The following ATP2C2 variants were observed in gnomAD, a reference collection of about 807,000 sequenced individuals.
ATP2C2 encodes ATPase secretory pathway Ca2+ transporting 2.
A neutral mutation model predicts 110.8 loss-of-function variants in ATP2C2; 171 were observed. The observed-to-expected ratio is 1.54, with a 90% CI of 1.36 to 1.75. The LOEUF (loss-of-function observed/expected upper bound fraction) is 1.75, where lower values mean the gene tolerates loss of function less well. Among genes scored for constraint, ATP2C2 ranks in the 40% most tolerant of loss-of-function variants. The probability of loss-of-function intolerance (pLI) is 0.00; values close to 1 mark genes in which losing one functional copy is unlikely to be tolerated. For missense variants in ATP2C2, 1,963 were observed against 1,235.0 expected (o/e 1.59, Z -8.84); for synonymous variants, 804 against 508.4 (o/e 1.58, Z -7.82).
chr16:84,421,601 C>G (rs1907344268), intron 7 of ATP2C2, among the ~76,000 whole-genome samples: 1 of 152,114 alleles, frequency 6.6e-6, no homozygotes, highest in Non-Finnish European at 1.5e-5. Context: ...TGGCACGGTT[C>G]TGGCCCTGGG....
In ATP2C2 at chr16:84,459,253, C is replaced by T. The variant is rs757037846; in HGVS notation, c.2217-17C>T. 1.2e-5 allele frequency: 19 copies of T among 1,614,112 alleles called. No individual in the cohort carries two copies. Among genetic ancestry groups the T allele is most frequent in the East Asian group, 2.2e-5 (1 of 44,884 alleles). On this transcript the variant is annotated splice_polypyrimidine_tract_variant and intron_variant, in intron 22 of 26. Transcript: ENST00000262429. ...CGCCTGGCGGGCGGCCGCTGACTGG[C>T]TGCGTGTGCCCCGCAGGAGCATCTC... is the stretch of plus-strand genomic sequence containing the variant.
chr16:84,413,258 GGC>G (rs1567706297), intron 6 of ATP2C2, among the ~76,000 whole-genome samples: 1 of 152,110 alleles, frequency 6.6e-6, no homozygotes, highest in East Asian at 1.9e-4. Context: ...ATATATCCCA[GGC>G]ACATGTTGTG....
At chr16:84,407,041 C>G (rs1046414300) in intron 3 of ATP2C2, 18 of 152,248 alleles carry the variant, frequency 1.2e-4, no homozygotes, top group African/African-American at 4.3e-4. Flanking sequence ...TGTGGGAATC[C>G]TTGTAGGACT....
At chr16:84,381,184 G>A (rs1597732510) in intron 1 of ATP2C2, among the ~76,000 whole-genome samples, 1 of 152,284 alleles carries the variant, frequency 6.6e-6, no homozygotes, top group East Asian at 1.9e-4. Flanking sequence ...GTGCAGGGGT[G>A]GATCTTTCAG....
intron 2 of ATP2C2, among the ~76,000 whole-genome samples, chr16:84,399,440 C>A (rs185744979): frequency 6.6e-6 from 1 of 152,288 alleles, no homozygotes; most frequent in East Asian, 1.9e-4. Flanking sequence ...TTTCCTCTAC[C>A]AGCAAGTACA....
intron 17 of ATP2C2, among the ~76,000 whole-genome samples, chr16:84,451,649 CCAACATGGT>C (rs2150582190): frequency 6.6e-6 from 1 of 152,212 alleles, no homozygotes; most frequent in East Asian, 1.9e-4. Flanking sequence ...ACCAGCCTGG[CCAACATGGT>C]GAAATCCTGT....
At chr16:84,410,918 C>G in intron 6 of ATP2C2, 153 bp downstream of exon 6, 1 of 719,202 alleles carries the variant, frequency 1.4e-6, no homozygotes, top group Non-Finnish European at 2.4e-6. Flanking sequence ...CTCCGCCTGC[C>G]AATAGGTCGC....
At chr16:84,368,797 C>A (rs775256029) in intron 1 of ATP2C2, 83 bp downstream of exon 1, 7 of 1,206,392 alleles carry the variant, frequency 5.8e-6, no homozygotes, top group Non-Finnish European at 7.9e-6. Flanking sequence ...CGAGACCCCG[C>A]GTTCGCGCTG....
chr16:84,424,708 C>T (rs247804), intron 10 of ATP2C2, among the ~76,000 whole-genome samples: 134,247 of 152,044 alleles, frequency 0.88, 59,347 homozygotes, highest in East Asian at 0.93. Context: ...TGCTGGTCAG[C>T]GCTTCTAGAG....
intron 16 of ATP2C2, 91 bp downstream of exon 16, chr16:84,446,521 A>C: frequency 4.5e-6 from 4 of 891,256 alleles, no homozygotes; most frequent in Non-Finnish European, 5.1e-6. Context: ...GGATAATTTG[A>C]AAGTTCCTGG....
At chr16:84,452,113 G>A (rs369234642) in intron 18 of ATP2C2, 22 bp downstream of exon 18, 9 of 1,613,446 alleles carry the variant, frequency 5.6e-6, no homozygotes, top group African/African-American at 5.3e-5. Context: ...AGGGTCGGGG[G>A]TGAGGACGAA....
chr16:84,428,691 C>G (rs1439661913), intron 11 of ATP2C2, among the ~76,000 whole-genome samples: 3 of 152,104 alleles, frequency 2.0e-5, no homozygotes, highest in Non-Finnish European at 4.4e-5. Context: ...ATAAGTTCAT[C>G]TCTTCCCTTA....
At chr16:84,374,299 T>C (rs979214648) in intron 1 of ATP2C2, among the ~76,000 whole-genome samples, 8 of 152,222 alleles carry the variant, frequency 5.3e-5, no homozygotes, top group African/African-American at 1.9e-4. Flanking sequence ...CTCTGAGCCA[T>C]TGAAGCTTTC....
intron 18 of ATP2C2, 81 bp from the exon 19 acceptor site, chr16:84,453,057 C>G: frequency 7.2e-7 from 1 of 1,393,878 alleles, no homozygotes; most frequent in African/African-American, 1.4e-5. Flanking sequence ...TCTTGGTGTT[C>G]CCCATGGCCG....
At position 84,414,871 on chromosome 16, in the gene ATP2C2, G is replaced by T. The variant is rs528156204; in HGVS notation, c.516-612G>T. Among the ~76,000 whole-genome samples, 9 of 152,242 alleles carry T rather than the reference G, an allele frequency of 5.9e-5. No individual in the cohort carries two copies. In the East Asian group the frequency reaches 1.7e-3, roughly 29 times the overall value. ...ATCGGAGGGTTTGGAGCAGGAGGGG[G>T]TTGGGATCTGGTTTGGGGTTCTAAG... On this transcript the variant is annotated intron_variant, in intron 6 of 26. Coordinates refer to ENST00000262429, the MANE Select transcript of ATP2C2 (RefSeq NM_014861.4).
At chr16:84,409,557 T>G (rs992739902) in intron 4 of ATP2C2, among the ~76,000 whole-genome samples, 1 of 152,196 alleles carries the variant, frequency 6.6e-6, no homozygotes, top group African/African-American at 2.4e-5. Context: ...TCGTCCAGGC[T>G]GGACAGCAGT....
In ATP2C2 at chr16:84,452,040, GT is replaced by G; in HGVS notation, c.1781del (p.Val594GlyfsTer3). ...EAVQVLSESGVSVKMITGDAL... is the reference protein window; with the variant it reads ...EAVQVLSESGXSVKMITGDAL... The stretch of plus-strand genomic sequence containing the variant: ...AGTCCAGGTTCTCTCCGAGTCTGGT[GT>G]GTCTGTGAAGATGATAACGGGGGAT... On this transcript the variant is annotated frameshift_variant, in exon 18 of 27. Coordinates refer to ENST00000262429, the MANE Select transcript of ATP2C2 (RefSeq NM_014861.4). LOFTEE classifies it high-confidence loss of function. 1 of 1,613,924 alleles carries G rather than the reference GT, an allele frequency of 6.2e-7. No homozygotes were observed. The highest frequency in any genetic ancestry group is 8.5e-7 in the Non-Finnish European group (1 of 1,179,996).
At chr16:84,413,024 A>G (rs796939684) in intron 6 of ATP2C2, among the ~76,000 whole-genome samples, 28 of 151,796 alleles carry the variant, frequency 1.8e-4, no homozygotes, top group Admixed American at 4.6e-4. Flanking sequence ...GCCTGAACCC[A>G]GAGATGGAGG....
Position 84,425,757 on chromosome 16 carries a change from G to A in ATP2C2, c.942G>A (p.Trp314Ter). 1 of 1,614,146 alleles carries A rather than the reference G, an allele frequency of 6.2e-7. No individual in the cohort carries two copies. The highest frequency in any genetic ancestry group is 1.3e-5 in the African/African-American group (1 of 75,008). The change falls in exon 11 of 27, where the codon TGG becomes TGA. Residue 314 changes from tryptophan to a stop codon, truncating the protein, a stop_gained. Coordinates refer to ENST00000262429, the MANE Select transcript of ATP2C2 (RefSeq NM_014861.4). LOFTEE classifies it high-confidence loss of function. ...CAGGTCTCATCATGCTCATTGGCTGGTCGCAAGGGAAACAACTCCTGAGTA... is the reference window on the plus strand; with the variant it reads ...CAGGTCTCATCATGCTCATTGGCTGATCGCAAGGGAAACAACTCCTGAGTA... ...GIIGLIMLIG[W>*]SQGKQLLSMF...
Sources: gnomAD v4.1 joint callset for allele counts (sites outside exome capture counted in the v4.1 genomes callset) on GRCh38, gnomAD v4.1.1 for gene constraint, MANE v1.5 for transcripts, NCBI Gene and HGNC (gene_info 2026-07-23, HGNC 2026-07-21) for gene names.